PLXNA1: variants seen among roughly 807,000 people sequenced by gnomAD.
The protein encoded by PLXNA1 is plexin-A1.
PLXNA1 carries 77 observed loss-of-function variants against 191.7 expected under a neutral mutation model. The ratio of observed to expected loss-of-function variants is 0.40; its 90% CI spans 0.33 to 0.49. PLXNA1 has a LOEUF of 0.49. Among genes scored for constraint, PLXNA1 ranks in the 20% least tolerant of loss-of-function variants. The probability of loss-of-function intolerance (pLI) is 0.63; values close to 1 mark genes in which losing one functional copy is unlikely to be tolerated. For synonymous variants in PLXNA1, 1,137 were observed against 1,156.4 expected (o/e 0.98, Z 0.34); for missense variants, 2,110 against 2,660.2 (o/e 0.79, Z 4.55).
At chr3:127,000,308 C>T (rs1018497610) in intron 3 of PLXNA1, among the ~76,000 whole-genome samples, 8 of 152,168 alleles carry the variant, frequency 5.3e-5, no homozygotes, top group African/African-American at 1.4e-4. Context: ...CTCATTTGCT[C>T]TGCCAGCTGC....
At chr3:127,031,503 G>A (rs1307205348) in intron 29 of PLXNA1, among the ~76,000 whole-genome samples, 1 of 152,116 alleles carries the variant, frequency 6.6e-6, no homozygotes, top group East Asian at 1.9e-4. Flanking sequence ...CCCCAGTTCT[G>A]TGCACACTCT....
In PLXNA1 at chr3:127,015,269, C is replaced by T; in HGVS notation, c.2963C>T (p.Ala988Val). 6.2e-7 allele frequency: 1 copy of T among 1,612,678 alleles called. No homozygotes were observed. Among genetic ancestry groups the T allele is most frequent in the Non-Finnish European group, 8.5e-7 (1 of 1,179,748 alleles). ...GGCATCGAGGGAAGCCACCTGAACGCAGGCAGTGATGTGGCTGTGTCGGTC... is the reference window on the plus strand; with the variant it reads ...GGCATCGAGGGAAGCCACCTGAACGTAGGCAGTGATGTGGCTGTGTCGGTC... ...WIGIEGSHLN[A>V]GSDVAVSVGG... Residue 988 changes from alanine to valine, a missense_variant, in exon 15 of 32, where the codon GCA (alanine) becomes GTA (valine). Transcript: ENST00000393409.
intron 1 of PLXNA1, among the ~76,000 whole-genome samples, chr3:126,985,565 C>T (rs1480176629): frequency 1.3e-5 from 2 of 152,146 alleles, no homozygotes; most frequent in Non-Finnish European, 2.9e-5. Flanking sequence ...CTCTTGAGGC[C>T]TTTCCCCGGC....
intron 6 of PLXNA1, 37 bp downstream of exon 6, chr3:127,005,045 C>T (rs757917976): frequency 1.9e-6 from 3 of 1,609,434 alleles, no homozygotes; most frequent in Non-Finnish European, 2.5e-6. Context: ...GGGTGGGGGA[C>T]AGCCATGGGG....
chr3:127,022,815 C>T lies in PLXNA1; in HGVS notation c.4359C>T (p.Leu1453=). The T allele has an allele frequency of 6.2e-7, 1 of 1,613,722 alleles. No individual in the cohort carries two copies. The stretch of plus-strand genomic sequence containing the variant: ...TCACCTTCCTCTTGTATAAGTTCCT[C>T]AAGGTAAGCAGAGGCGGGAGGAAGC... ...NWFTFLLYKF[L]KECAGEPLFM... is the part of the protein sequence containing the mutation. The change falls in exon 23 of 32, where the codon CTC becomes CTT. Residue 1453 remains leucine (L), a synonymous_variant. Coordinates refer to ENST00000393409, the MANE Select transcript of PLXNA1 (RefSeq NM_032242.4).
intron 29 of PLXNA1, among the ~76,000 whole-genome samples, chr3:127,030,928 G>C (rs1192782936): frequency 6.6e-6 from 1 of 152,176 alleles, no homozygotes; most frequent in Non-Finnish European, 1.5e-5. Context: ...AGCAGGGCCT[G>C]CCCAGCCTGC....
chr3:126,986,461 GCA>G (rs1294970215), intron 1 of PLXNA1, among the ~76,000 whole-genome samples: 2 of 152,362 alleles, frequency 1.3e-5, no homozygotes, highest in African/African-American at 4.8e-5. Context: ...TGTGTGCTGT[GCA>G]CACACTGGGC....
rs1559953051 is a variant in PLXNA1 at position 126,989,591 on chromosome 3, A to G, written c.998A>G (p.Asp333Gly). The change falls in exon 2 of 32, where the codon GAC becomes GGC. Residue 333 changes from aspartate to glycine, a missense_variant. Transcript: ENST00000393409. The part of the protein sequence containing the change: ...ALAHQLGLAE[D>G]EDVLFTVFAQ... ...GCCCACCAGCTGGGCCTGGCTGAGG[A>G]CGAGGACGTGCTGTTCACTGTGTTC... 3.7e-6 allele frequency: 6 copies of G among 1,613,226 alleles called. No homozygotes were observed. Among genetic ancestry groups the G allele is most frequent in the Non-Finnish European group, 5.1e-6 (6 of 1,180,016 alleles).
intron 19 of PLXNA1, 53 bp from the exon 20 acceptor site, chr3:127,018,241 C>G: frequency 2.7e-6 from 4 of 1,490,930 alleles, no homozygotes; most frequent in Non-Finnish European, 3.6e-6. Flanking sequence ...GAGGGGCTCC[C>G]AAGCTTTGTG....
intron 19 of PLXNA1, 112 bp from the exon 20 acceptor site, chr3:127,018,182 G>A (rs1273085923): frequency 9.6e-7 from 1 of 1,044,750 alleles, no homozygotes. Flanking sequence ...GCCCCTGTCG[G>A]TGGGACCTTT....
rs748421057 is a variant in PLXNA1 at position 126,989,464 on chromosome 3, A to G, written c.871A>G (p.Lys291Glu). The G allele has an allele frequency of 6.2e-7, 1 of 1,613,520 alleles. No homozygotes were observed. Among genetic ancestry groups the G allele is most frequent in the Non-Finnish European group, 8.5e-7 (1 of 1,180,044 alleles). Residue 291 changes from lysine to glutamate, a missense_variant, in exon 2 of 32, where the codon AAA becomes GAA. By Grantham distance (56) the Lys-to-Glu change is moderately conservative. Around this residue, in one of 4 missense-constraint regions of PLXNA1, gnomAD observed 903 missense variants for 1,015.7 expected, o/e 0.89. Transcript: ENST00000393409. ...KIVRLCVDDP[K>E]FYSYVEFPIG... Reference sequence around the variant, plus strand: ...CGTGCGGCTCTGTGTGGACGACCCCAAATTCTACTCGTACGTTGAGTTCCC... The same window carrying G: ...CGTGCGGCTCTGTGTGGACGACCCCGAATTCTACTCGTACGTTGAGTTCCC...
intron 7 of PLXNA1, 88 bp downstream of exon 7, chr3:127,005,331 C>A: frequency 6.9e-7 from 1 of 1,446,508 alleles, no homozygotes; most frequent in South Asian, 1.3e-5. Context: ...CTCCCTTGTT[C>A]AGTTCCAAGG....
At position 127,006,770 on chromosome 3, in the gene PLXNA1, C is replaced by T. The variant is rs147811732; in HGVS notation, c.1997+592C>T. Among the ~76,000 whole-genome samples the T allele has an allele frequency of 3.5e-4, 53 of 152,240 alleles. No homozygotes were observed. The East Asian group carries it at 0.01, about 29-fold the overall frequency. On this transcript the variant is annotated intron_variant, in intron 8 of 31. Transcript: ENST00000393409. ...TTGGGCAGGGAGTGTGTCTAGGAGG[C>T]AGCTGCTATGCCTGCTGCCCATTTT... is the stretch of plus-strand genomic sequence containing the variant.
chr3:127,000,381 G>A (rs1191104867), intron 3 of PLXNA1, among the ~76,000 whole-genome samples: 1 of 152,138 alleles, frequency 6.6e-6, no homozygotes, highest in Non-Finnish European at 1.5e-5. Flanking sequence ...CTCCAGGCGG[G>A]TGGCCCGAAA....
intron 2 of PLXNA1, among the ~76,000 whole-genome samples, chr3:126,990,264 T>C (rs528876632): frequency 1.3e-5 from 2 of 152,348 alleles, no homozygotes; most frequent in South Asian, 4.1e-4. Flanking sequence ...GGAGCGCTTG[T>C]GTCCCCCACA....
intron 25 of PLXNA1, 96 bp from the exon 26 acceptor site, chr3:127,028,897 G>T (rs1576691485): frequency 1.2e-6 from 1 of 866,210 alleles, no homozygotes; most frequent in East Asian, 2.6e-5. Flanking sequence ...TGCTGGTGCT[G>T]AGAGCTGCAG....
chr3:127,034,145 C>A lies in PLXNA1; in HGVS notation c.*128C>A. 1.3e-6 allele frequency: 1 copy of A among 790,288 alleles called. No individual in the cohort carries two copies. Among genetic ancestry groups the A allele is most frequent in the Non-Finnish European group, 2.0e-6 (1 of 499,150 alleles). The allele number at this position is 790,288 out of a possible 1,614,324, so 49.0% of individuals were successfully genotyped here. A position where few individuals can be genotyped will look rare whatever the true frequency, so the allele number is the denominator to read the frequency against. On this transcript the variant is annotated 3_prime_UTR_variant, in exon 32 of 32. Transcript: ENST00000393409. ...CCGCCGCAGTGCAGCGACTGCCCGGCCCTCCCTCCCCTGCCTCACCCGGTC... is the reference window on the plus strand; with the variant it reads ...CCGCCGCAGTGCAGCGACTGCCCGGACCTCCCTCCCCTGCCTCACCCGGTC...
rs1559967129 is a variant in PLXNA1, at chr3:127,030,368, C to T, written c.5187C>T (p.His1729=). The T allele has an allele frequency of 6.2e-7, 1 of 1,614,014 alleles. No homozygotes were observed. The highest frequency in any genetic ancestry group is 8.5e-7 in the Non-Finnish European group (1 of 1,180,020). ...TCCTGGATGAGCAGGCCGACAAGCA[C>T]CAGATCCACGATGCTGACGTGCGCC... is the stretch of plus-strand genomic sequence containing the variant. ...FDFLDEQADK[H]QIHDADVRHT... is the part of the protein sequence containing the mutation. Residue 1729 remains histidine (H), a synonymous_variant, in exon 29 of 32, where the codon CAC becomes CAT. Coordinates refer to ENST00000393409, the MANE Select transcript of PLXNA1 (RefSeq NM_032242.4).
intron 9 of PLXNA1, among the ~76,000 whole-genome samples, chr3:127,011,612 C>T (rs553136798): frequency 1.2e-4 from 19 of 152,194 alleles, no homozygotes; most frequent in Admixed American, 2.6e-4. Flanking sequence ...TTTTTATACA[C>T]TCCCTGGGCC....
Sources: gnomAD v4.1 joint callset for allele counts (sites outside exome capture counted in the v4.1 genomes callset) on GRCh38, gnomAD v4.1.1 for gene constraint, gnomAD v4.1.1 regional missense constraint, MANE v1.5 for transcripts, NCBI Gene and HGNC (gene_info 2026-07-23, HGNC 2026-07-21) for gene names.